Variants in SIX5 observed in about 807,000 individuals in gnomAD.
The protein encoded by SIX5 is SIX homeobox 5.
SIX5 carries 21 observed loss-of-function variants against 37.1 expected under a neutral mutation model. The ratio of observed to expected loss-of-function variants is 0.57; its 90% CI spans 0.40 to 0.81. The LOEUF (loss-of-function observed/expected upper bound fraction) is 0.81, where lower values mean the gene tolerates loss of function less well. Among genes scored for constraint, SIX5 ranks in the 40% least tolerant of loss-of-function variants. The pLI is 0.00. For synonymous variants in SIX5, 626 were observed against 505.9 expected (o/e 1.24, Z -3.19); for missense variants, 1,137 against 1,025.1 (o/e 1.11, Z -1.49).
chr19:45,766,246 G>T, intron 2 of SIX5, 104 bp downstream of exon 2: 1 of 1,492,918 alleles, frequency 6.7e-7, no homozygotes, highest in Non-Finnish European at 9.0e-7. Context: ...GACTTGCCAG[G>T]GATGAGATGC....
Position 45,768,123 on chromosome 19 carries a change from G to C in SIX5, c.722C>G (p.Ser241Trp). 1 of 1,608,764 alleles carries C rather than the reference G, an allele frequency of 6.2e-7. No individual in the cohort carries two copies. Among genetic ancestry groups the C allele is most frequent in the South Asian group, 1.1e-5 (1 of 90,974 alleles). ...GAACCAGTTGCTGACCTGCGTGAGC[G>C]ACAGGCCGGTGAGTGTGGCCAGGCG... The part of the protein sequence containing the change: ...KRRLATLTGL[S>W]LTQVSNWFKN... The change falls in exon 1 of 3, where the codon TCG becomes TGG. Residue 241 changes from serine (S) to tryptophan (W), a missense_variant. Coordinates refer to ENST00000317578, the MANE Select transcript of SIX5 (RefSeq NM_175875.5).
In SIX5 at chr19:45,766,627, T is replaced by C. The variant is rs1464052762; in HGVS notation, c.1332A>G (p.Pro444=). 4 of 1,472,580 alleles carry C rather than the reference T, an allele frequency of 2.7e-6. No individual in the cohort carries two copies. In the Admixed American group the frequency reaches 7.4e-5, roughly 27 times the overall value. 91.2% of individuals were successfully genotyped at this position (1,472,580 alleles called of 1,614,324 possible). A position where few individuals can be genotyped will look rare whatever the true frequency, so the allele number is the denominator to read the frequency against. The change falls in exon 2 of 3, where the codon CCA becomes CCG. Residue 444 remains proline (P), a synonymous_variant. Transcript: ENST00000317578. Reference sequence around the variant, plus strand: ...CTTGTGGGGCAGCCACAGCAGGCACTGGCCCCGGGGGCAGAGGAAAGGTGG... The same window carrying C: ...CTTGTGGGGCAGCCACAGCAGGCACCGGCCCCGGGGGCAGAGGAAAGGTGG... ...TAATFPLPPG[P]VPAVAAPQVV...
Position 45,768,494 on chromosome 19 carries a change from G to C in SIX5, c.351C>G (p.Ala117=), listed in dbSNP as rs1969136701. The stretch of plus-strand genomic sequence containing the variant: ...CCGGGTCGCTGCCACGTAGGCGCTC[G>C]GCCGGGGGCAGTGCGCCCAGGAAGC... ...LSRFLGALPP[A]ERLRGSDPVL... Residue 117 remains alanine (A), a synonymous_variant, in exon 1 of 3, where the codon GCC becomes GCG. Coordinates refer to ENST00000317578, the MANE Select transcript of SIX5 (RefSeq NM_175875.5). 1 of 1,503,982 alleles carries C rather than the reference G, an allele frequency of 6.6e-7. No homozygotes were observed. Among genetic ancestry groups the C allele is most frequent in the Non-Finnish European group, 8.8e-7 (1 of 1,133,962 alleles). The allele number at this position is 1,503,982 out of a possible 1,614,324, so 93.2% of individuals were successfully genotyped here. A position where few individuals can be genotyped will look rare whatever the true frequency, so the allele number is the denominator to read the frequency against.
intron 1 of SIX5, among the ~76,000 whole-genome samples, chr19:45,767,385 G>A (rs1301160811): frequency 6.6e-6 from 1 of 152,150 alleles, no homozygotes; most frequent in Non-Finnish European, 1.5e-5. Flanking sequence ...CCCCCACCTC[G>A]GCCTCGGGTC....
At position 45,768,297 on chromosome 19, in the gene SIX5, A is replaced by G. The variant is rs1268544692; in HGVS notation, c.548T>C (p.Val183Ala). The G allele has an allele frequency of 1.2e-6, 2 of 1,611,356 alleles. No individual in the cohort carries two copies. The highest frequency in any genetic ancestry group is 1.1e-5 in the South Asian group (1 of 90,814). ...CTTCTTGCGCAGTCGATACTTGTCCACTGCGCCAAGCGCGCGGCCGCGGGC... is the reference window on the plus strand; with the variant it reads ...CTTCTTGCGCAGTCGATACTTGTCCGCTGCGCCAAGCGCGCGGCCGCGGGC... ...ERARGRALGA[V>A]DKYRLRKKFP... Residue 183 changes from valine (V) to alanine (A), a missense_variant, in exon 1 of 3, where the codon GTG becomes GCG. Val to Ala is a moderately conservative substitution (Grantham distance 64, BLOSUM62 0). This residue lies in a region of SIX5 where 331 missense variants were observed against 360.9 expected (regional missense o/e 0.92). Transcript: ENST00000317578.
chr19:45,766,075 G>A lies in SIX5; in HGVS notation c.1646C>T (p.Pro549Leu), dbSNP rs1235413212. 4 of 1,612,004 alleles carry A rather than the reference G, an allele frequency of 2.5e-6. No individual in the cohort carries two copies. The highest frequency in any genetic ancestry group is 1.1e-5 in the South Asian group (1 of 90,764). Residue 549 changes from proline (P) to leucine (L), a missense_variant, in exon 3 of 3, where the codon CCC becomes CTC. By Grantham distance (98) the Pro-to-Leu change is moderately conservative. This residue lies in a region of SIX5 where 787 missense variants were observed against 621.4 expected (regional missense o/e 1.27). Transcript: ENST00000317578. ...FLLANPVSGS[P>L]IVTGVALQQG... ...CTGCAGGGCCACACCCGTCACGATG[G>A]GGCTGCCAGACACAGGGTTGGCCAG...
Position 45,768,248 on chromosome 19 carries a change from C to T in SIX5, c.597G>A (p.Trp199Ter). The change falls in exon 1 of 3, where the codon TGG becomes TGA. Residue 199 changes from tryptophan to a stop codon, truncating the protein, a stop_gained. Transcript: ENST00000317578. LOFTEE classifies it high-confidence loss of function. ...AGCAGTAGACTGTCTCCTCGCCGTCCCAGATGGTCTTGGGCAGCGGGAACT... is the reference window on the plus strand; with the variant it reads ...AGCAGTAGACTGTCTCCTCGCCGTCTCAGATGGTCTTGGGCAGCGGGAACT... ...RKKFPLPKTI[W>*]DGEETVYCFK... 1 of 1,613,078 alleles carries T rather than the reference C, an allele frequency of 6.2e-7. No individual in the cohort carries two copies. Among genetic ancestry groups the T allele is most frequent in the East Asian group, 2.2e-5 (1 of 44,860 alleles).
Position 45,768,765 on chromosome 19 carries a change from T to C in SIX5, c.80A>G (p.Glu27Gly). The change falls in exon 1 of 3, where the codon GAG (glutamate) becomes GGG (glycine). Residue 27 changes from glutamate (E) to glycine (G), a missense_variant. By Grantham distance (98) the Glu-to-Gly change is moderately conservative. Around this residue, in one of 3 missense-constraint regions of SIX5, gnomAD observed 331 missense variants for 360.9 expected, o/e 0.92. Coordinates refer to ENST00000317578, the MANE Select transcript of SIX5 (RefSeq NM_175875.5). The stretch of plus-strand genomic sequence containing the variant: ...GAGCTGGCGCGCTTCCTCCTCCTCC[T>C]CTTCGGTCGCCGCCGCCGCCGCCAC... ...EAVAAAAATE[E>G]EEEEARQLLQ... The C allele has an allele frequency of 6.6e-7, 1 of 1,526,662 alleles. No individual in the cohort carries two copies. The highest frequency in any genetic ancestry group is 8.7e-7 in the Non-Finnish European group (1 of 1,143,000). 94.6% of individuals were successfully genotyped at this position (1,526,662 alleles called of 1,614,324 possible).
At chr19:45,767,783 C>A in intron 1 of SIX5, 1 of 567,240 alleles carries the variant, frequency 1.8e-6, no homozygotes, top group Non-Finnish European at 3.1e-6. Context: ...GTGTGATTCC[C>A]CAACACCGAT....
Position 45,766,988 on chromosome 19 carries a change from T to G in SIX5, c.971A>C (p.Asn324Thr). 1 of 1,603,640 alleles carries G rather than the reference T, an allele frequency of 6.2e-7. No homozygotes were observed. ...GCCGCTGGCTGCCAGGAAGCTCCCG[T>G]TCACCAGGATGGAGGAGGAAGCCGG... ...PCPASSSILV[N>T]GSFLAASGSP... Residue 324 changes from asparagine (N) to threonine (T), a missense_variant, in exon 2 of 3, where the codon AAC becomes ACC. Around this residue, in one of 3 missense-constraint regions of SIX5, gnomAD observed 787 missense variants for 621.4 expected, o/e 1.27. Coordinates refer to ENST00000317578, the MANE Select transcript of SIX5 (RefSeq NM_175875.5).
Position 45,769,137 on chromosome 19 carries a change from T to A in SIX5, c.-293A>T. On this transcript the variant is annotated 5_prime_UTR_variant, in exon 1 of 3. Coordinates refer to ENST00000317578, the MANE Select transcript of SIX5 (RefSeq NM_175875.5). Reference sequence around the variant, plus strand: ...CAGCGTGTGCTTCTGGCTCAGGGCCTCAGTTTCCCCATCGGGACAACGCAG... The same window carrying A: ...CAGCGTGTGCTTCTGGCTCAGGGCCACAGTTTCCCCATCGGGACAACGCAG... 1 of 456,396 alleles carries A rather than the reference T, an allele frequency of 2.2e-6. No homozygotes were observed. The highest frequency in any genetic ancestry group is 3.9e-6 in the Non-Finnish European group (1 of 253,360). The allele number at this position is 456,396 out of a possible 1,614,324, so 28.3% of individuals were successfully genotyped here. A position where few individuals can be genotyped will look rare whatever the true frequency, so the allele number is the denominator to read the frequency against.
chr19:45,768,814 C>A lies in SIX5; in HGVS notation c.31G>T (p.Gly11Trp). 6.5e-7 allele frequency: 1 copy of A among 1,530,254 alleles called. No individual in the cohort carries two copies. Among genetic ancestry groups the A allele is most frequent in the Non-Finnish European group, 8.7e-7 (1 of 1,144,464 alleles). 94.8% of individuals were successfully genotyped at this position (1,530,254 alleles called of 1,614,324 possible). MATLPAEPSA[G>W]PAAGGEAVAA... is the part of the protein sequence containing the mutation. ...ACCGCCTCCCCCCCAGCCGCCGGCC[C>A]CGCGCTCGGCTCCGCAGGCAAGGTA... The change falls in exon 1 of 3, where the codon GGG becomes TGG. Residue 11 changes from glycine to tryptophan, a missense_variant. By Grantham distance (184) the Gly-to-Trp change is radical (BLOSUM62 -2). Transcript: ENST00000317578.
chr19:45,767,000 G>C lies in SIX5; in HGVS notation c.959C>G (p.Ser320Cys). The C allele has an allele frequency of 6.2e-7, 1 of 1,606,348 alleles. No homozygotes were observed. The highest frequency in any genetic ancestry group is 8.5e-7 in the Non-Finnish European group (1 of 1,177,992). ...CAGGAAGCTCCCGTTCACCAGGATG[G>C]AGGAGGAAGCCGGGCAAGGCGCGGG... ...GPPAPCPASSSILVNGSFLAA... is the reference protein window; with the variant it reads ...GPPAPCPASSCILVNGSFLAA... The change falls in exon 2 of 3, where the codon TCC (serine) becomes TGC (cysteine). Residue 320 changes from serine (S) to cysteine (C), a missense_variant. By Grantham distance (112) the Ser-to-Cys change is moderately radical (BLOSUM62 -1). Around this residue, in one of 3 missense-constraint regions of SIX5, gnomAD observed 787 missense variants for 621.4 expected, o/e 1.27. Transcript: ENST00000317578.
Position 45,767,122 on chromosome 19 carries a change from C to T in SIX5, c.837G>A (p.Glu279=). The change falls in exon 2 of 3, where the codon GAG becomes GAA. Residue 279 remains glutamate (E), a synonymous_variant. Coordinates refer to ENST00000317578, the MANE Select transcript of SIX5 (RefSeq NM_175875.5). ...ESDGNPTTED[E]SSRSPEDLER... ...CCAGGTCCTCAGGACTTCGGCTGGA[C>T]TCGTCCTCAGTCGTGGGATTCCCAT... 6.2e-7 allele frequency: 1 copy of T among 1,612,366 alleles called. No homozygotes were observed. The highest frequency in any genetic ancestry group is 1.1e-5 in the South Asian group (1 of 91,076).
Position 45,768,646 on chromosome 19 carries a change from G to A in SIX5, c.199C>T (p.Pro67Ser). Residue 67 changes from proline to serine, a missense_variant, in exon 1 of 3, where the codon CCG becomes TCG. Transcript: ENST00000317578. ...TCGGGGGGCGACCCGGGGACGCCCG[G>A]GGATCCCGGGCCCTCAGCTCCCGCA... ...AAAGAEGPGS[P>S]GVPGSPPEAA... The A allele has an allele frequency of 7.9e-7, 1 of 1,267,592 alleles. No homozygotes were observed. Among genetic ancestry groups the A allele is most frequent in the Non-Finnish European group, 9.8e-7 (1 of 1,015,604 alleles). 78.5% of individuals were successfully genotyped at this position (1,267,592 alleles called of 1,614,324 possible). A position where few individuals can be genotyped will look rare whatever the true frequency, so the allele number is the denominator to read the frequency against.
At chr19:45,766,303 C>G in intron 2 of SIX5, 47 bp downstream of exon 2, 1 of 1,526,028 alleles carries the variant, frequency 6.6e-7, no homozygotes, top group Non-Finnish European at 8.8e-7. Flanking sequence ...GATGACTGCA[C>G]CCCTCCCCGG....
rs756960314 is a variant in SIX5 at position 45,768,257 on chromosome 19, C to A, written c.588G>T (p.Lys196Asn). 5 of 1,612,930 alleles carry A rather than the reference C, an allele frequency of 3.1e-6. No homozygotes were observed. In the East Asian group the frequency reaches 8.9e-5, roughly 29 times the overall value. ...CTGTCTCCTCGCCGTCCCAGATGGT[C>A]TTGGGCAGCGGGAACTTCTTGCGCA... ...YRLRKKFPLP[K>N]TIWDGEETVY... Residue 196 changes from lysine (K) to asparagine (N), a missense_variant, in exon 1 of 3, where the codon AAG becomes AAT. By Grantham distance (94) the Lys-to-Asn change is moderately conservative (BLOSUM62 0). Coordinates refer to ENST00000317578, the MANE Select transcript of SIX5 (RefSeq NM_175875.5).
intron 1 of SIX5, among the ~76,000 whole-genome samples, chr19:45,767,614 C>T (rs1031407761): frequency 2.0e-5 from 3 of 152,158 alleles, no homozygotes; most frequent in African/African-American, 7.2e-5. Flanking sequence ...ACAACAAAGG[C>T]AGAAGACGGA....
chr19:45,767,060 G>A lies in SIX5; in HGVS notation c.899C>T (p.Ala300Val), dbSNP rs1459342127. The change falls in exon 2 of 3, where the codon GCC becomes GTC. Residue 300 changes from alanine to valine, a missense_variant. Ala to Val is a moderately conservative substitution (Grantham distance 64). Coordinates refer to ENST00000317578, the MANE Select transcript of SIX5 (RefSeq NM_175875.5). ...CCCTGCCAGGAATATGGAGCCCTGG[G>A]CAGCGGCCTCGGCGGACACTGGGGC... is the stretch of plus-strand genomic sequence containing the variant. The part of the protein sequence containing the change: ...GAAPVSAEAA[A>V]QGSIFLAGTG... 6.2e-7 allele frequency: 1 copy of A among 1,609,040 alleles called. No homozygotes were observed. Among genetic ancestry groups the A allele is most frequent in the Non-Finnish European group, 8.5e-7 (1 of 1,177,624 alleles).
Sources: allele counts gnomAD v4.1 joint callset (sites outside exome capture counted in the v4.1 genomes callset), GRCh38; gene constraint gnomAD v4.1.1; regional missense constraint gnomAD v4.1.1; transcripts MANE v1.5; gene names NCBI Gene and HGNC (gene_info 2026-07-23, HGNC 2026-07-21).